ITGB3BP: variants seen among roughly 807,000 people sequenced by gnomAD.
ITGB3BP encodes the protein centromere protein R.
In ITGB3BP, 27 loss-of-function variants were observed where a neutral mutation model predicts 29.1. That is an observed-to-expected ratio of 0.93 (90% confidence interval 0.68 to 1.28). The LOEUF is 1.28. ITGB3BP is among the 50% of genes most tolerant of loss of function. The pLI, the probability that ITGB3BP is intolerant of heterozygous loss-of-function variation, is 0.00. For synonymous variants in ITGB3BP, 61 were observed against 61.4 expected (o/e 0.99, Z 0.03); for missense variants, 192 against 200.2 (o/e 0.96, Z 0.25).
At chr1:63,492,689 G>T (rs1028634258) in intron 2 of ITGB3BP, among the ~76,000 whole-genome samples, 1 of 152,024 alleles carries the variant, frequency 6.6e-6, no homozygotes, top group African/African-American at 2.4e-5. Flanking sequence ...TGCTACCTAT[G>T]AGCCCTTTAG....
At chr1:63,482,284 A>T (rs1330539628) in intron 3 of ITGB3BP, among the ~76,000 whole-genome samples, 2 of 150,950 alleles carry the variant, frequency 1.3e-5, no homozygotes, top group African/African-American at 4.9e-5. Flanking sequence ...AAAAAAAAAA[A>T]AAAAAAAAAG....
intron 2 of ITGB3BP, among the ~76,000 whole-genome samples, chr1:63,493,086 A>ACGCG (rs772254640): frequency 7.4e-6 from 1 of 134,490 alleles, no homozygotes; most frequent in Admixed American, 7.5e-5. Context: ...ACACACACAC[A>ACGCG]CACGCGCGCG....
chr1:63,528,206 A>T (rs533242658), upstream of ITGB3BP, among the ~76,000 whole-genome samples: 33 of 152,318 alleles, frequency 2.2e-4, no homozygotes, highest in African/African-American at 7.5e-4. Flanking sequence ...GGATAAAAAT[A>T]AAAAAAGTGG....
chr1:63,523,173 G>A lies in ITGB3BP; in HGVS notation c.-40C>T, dbSNP rs753722048. On this transcript the variant is annotated 5_prime_UTR_variant, in exon 1 of 9. Transcript: ENST00000271002. The stretch of plus-strand genomic sequence containing the variant: ...AAGCACCACTGCCGCTGAATAAAAC[G>A]AACCCAGCAACTTCCGAAAACAGAA... The A allele has an allele frequency of 2.5e-6, 4 of 1,613,458 alleles. No individual in the cohort carries two copies. The highest frequency in any genetic ancestry group is 2.2e-5 in the South Asian group (2 of 91,054).
chr1:63,499,429 G>A (rs1361240199), intron 2 of ITGB3BP, among the ~76,000 whole-genome samples: 2 of 152,126 alleles, frequency 1.3e-5, no homozygotes, highest in Non-Finnish European at 2.9e-5. Flanking sequence ...GGGATTACAG[G>A]TGTGAGCCAC....
chr1:63,528,702 A>G (rs1441633388), intron 2 of ITGB3BP, among the ~76,000 whole-genome samples: 1 of 152,124 alleles, frequency 6.6e-6, no homozygotes, highest in Non-Finnish European at 1.5e-5. Flanking sequence ...AAAATTAAAG[A>G]TTTAAAAAAA....
At chr1:63,476,074 T>C (rs1373298660) in intron 4 of ITGB3BP, among the ~76,000 whole-genome samples, 1 of 150,690 alleles carries the variant, frequency 6.6e-6, no homozygotes, top group Non-Finnish European at 1.5e-5. Context: ...CCTAGGCTGG[T>C]GTGCAGCAGC....
At chr1:63,524,811 A>G (rs1469716926), upstream of ITGB3BP, among the ~76,000 whole-genome samples, 5 of 152,212 alleles carry the variant, frequency 3.3e-5, no homozygotes, top group Non-Finnish European at 1.5e-5. Context: ...AAAACGGACA[A>G]AAAAATACCT....
intron 1 of ITGB3BP, chr1:63,510,107 T>C (rs1646166384): frequency 1.6e-6 from 1 of 635,946 alleles, no homozygotes; most frequent in Non-Finnish European, 2.9e-6. Flanking sequence ...GGAGAATCGC[T>C]TGAACGCGGG....
intron 3 of ITGB3BP, among the ~76,000 whole-genome samples, chr1:63,480,829 T>G (rs1336778373): frequency 6.6e-6 from 1 of 152,072 alleles, no homozygotes; most frequent in East Asian, 1.9e-4. Context: ...AAAAATTTAG[T>G]AAAGAATGTA....
intron 7 of ITGB3BP, among the ~76,000 whole-genome samples, chr1:63,448,781 A>G (rs7538363): frequency 0.079 from 12,053 of 152,166 alleles, 1,605 homozygotes; most frequent in African/African-American, 0.27. Flanking sequence ...ATTTTTATTT[A>G]ATAAAACCTA....
intron 4 of ITGB3BP, among the ~76,000 whole-genome samples, chr1:63,477,474 T>G (rs964392130): frequency 5.9e-5 from 9 of 152,144 alleles, no homozygotes; most frequent in Non-Finnish European, 1.2e-4. Flanking sequence ...ATCCCAGCAC[T>G]TTGGGAGGCC....
intron 3 of ITGB3BP, among the ~76,000 whole-genome samples, chr1:63,486,458 CG>C (rs1557634620): frequency 6.6e-6 from 1 of 151,700 alleles, no homozygotes; most frequent in East Asian, 1.9e-4. Flanking sequence ...ATACATATTT[CG>C]TGTGTTATAT....
chr1:63,454,792 C>T lies in ITGB3BP; in HGVS notation c.333+98G>A. ...TCCCATGAAAAGTAAATTAAACATA[C>T]TCTATGCAAACTCTTTCCTGGATTG... On this transcript the variant is annotated intron_variant, in intron 5 of 8. Coordinates refer to ENST00000271002, the MANE Select transcript of ITGB3BP (RefSeq NM_014288.5). This position sits in a 1 kb window ranked among gnomAD's most constrained non-coding sequence, Gnocchi z 4.1. 1 of 541,740 alleles carries T rather than the reference C, an allele frequency of 1.8e-6. No individual in the cohort carries two copies. The highest frequency in any genetic ancestry group is 3.2e-6 in the Non-Finnish European group (1 of 308,446). The allele number at this position is 541,740 out of a possible 1,614,324, so 33.6% of individuals were successfully genotyped here. A position where few individuals can be genotyped will look rare whatever the true frequency, so the allele number is the denominator to read the frequency against.
At chr1:63,482,270 C>CAAAAAAAAAA (rs376500389) in intron 3 of ITGB3BP, among the ~76,000 whole-genome samples, 4 of 59,346 alleles carry the variant, frequency 6.7e-5, no homozygotes, top group African/African-American at 6.9e-5. Flanking sequence ...GACTCCATCT[C>CAAAAAAAAAA]AAAAAAAAAA....
chr1:63,465,421 T>G (rs1226242791), intron 4 of ITGB3BP, among the ~76,000 whole-genome samples: 1 of 152,062 alleles, frequency 6.6e-6, no homozygotes, highest in African/African-American at 2.4e-5. Flanking sequence ...ACCCGTGGGA[T>G]TTTTTTCTTT....
intron 4 of ITGB3BP, among the ~76,000 whole-genome samples, chr1:63,463,861 C>G (rs1240524601): frequency 2.0e-5 from 3 of 151,844 alleles, no homozygotes; most frequent in Non-Finnish European, 4.4e-5. Context: ...TTAAAATTCT[C>G]CAAATTGATC....
At chr1:63,471,793 C>CT (rs917449751) in intron 4 of ITGB3BP, among the ~76,000 whole-genome samples, 34 of 150,890 alleles carry the variant, frequency 2.3e-4, no homozygotes, top group South Asian at 1.7e-3. Flanking sequence ...TTAAATAACT[C>CT]TTTTTTTTTG....
chr1:63,457,554 C>G (rs1341783195), intron 4 of ITGB3BP: 1 of 152,106 alleles, frequency 6.6e-6, no homozygotes, highest in Non-Finnish European at 1.5e-5. Context: ...TCTTTCATTT[C>G]TTTCAAGCTG....
Sources: allele counts gnomAD v4.1 joint callset (sites outside exome capture counted in the v4.1 genomes callset), GRCh38; gene constraint gnomAD v4.1.1; non-coding constraint Gnocchi (gnomAD v3.1); transcripts MANE v1.5; gene names NCBI Gene and HGNC (gene_info 2026-07-23, HGNC 2026-07-21).